MAP4: variants seen among roughly 807,000 people sequenced by gnomAD.
MAP4 encodes the protein microtubule-associated protein 4.
Under a neutral mutation model 170.2 loss-of-function variants are expected in MAP4, and 76 were observed. The observed-to-expected ratio is 0.45, with a 90% CI of 0.37 to 0.54. The LOEUF is 0.54. Ranked by LOEUF, MAP4 falls within the 20% of genes least tolerant of loss-of-function variation. The probability of loss-of-function intolerance (pLI) is 0.00; values close to 1 mark genes in which losing one functional copy is unlikely to be tolerated. For missense variants in MAP4, 2,506 were observed against 2,748.0 expected (o/e 0.91, Z 1.97); for synonymous variants, 909 against 994.5 (o/e 0.91, Z 1.62).
intron 1 of MAP4, among the ~76,000 whole-genome samples, chr3:48,087,743 GCGCACACACA>G (rs59852055): frequency 0.011 from 755 of 68,050 alleles, 7 homozygotes; most frequent in African/African-American, 0.037. Flanking sequence ...ACACACGCAC[GCGCACACACA>G]CACACACACA....
chr3:47,872,122 T>C (rs1348554938), intron 12 of MAP4, 22 bp from the exon 13 acceptor site: 2 of 1,594,434 alleles, frequency 1.3e-6, no homozygotes, highest in South Asian at 1.1e-5. Flanking sequence ...AAAGTGGGAA[T>C]GAGGCCTGCA....
At chr3:48,012,450 C>G (rs562833958) in intron 1 of MAP4, among the ~76,000 whole-genome samples, 10 of 152,230 alleles carry the variant, frequency 6.6e-5, no homozygotes, top group South Asian at 6.2e-4. Flanking sequence ...TAACAACATA[C>G]CATAAAAATC....
chr3:47,956,032 G>A (rs2100067613), intron 3 of MAP4, among the ~76,000 whole-genome samples: 1 of 152,120 alleles, frequency 6.6e-6, no homozygotes, highest in African/African-American at 2.4e-5. Flanking sequence ...TTGCTATTGG[G>A]TCTTGGCAGA....
chr3:48,014,249 C>G (rs76285342), intron 1 of MAP4, among the ~76,000 whole-genome samples: 79 of 152,228 alleles, frequency 5.2e-4, no homozygotes, highest in African/African-American at 1.8e-3. Flanking sequence ...TTCTGAAGAA[C>G]CTTTTAAGCT....
intron 1 of MAP4, among the ~76,000 whole-genome samples, chr3:48,031,420 A>G (rs2100116024): frequency 6.6e-6 from 1 of 152,128 alleles, no homozygotes; most frequent in Non-Finnish European, 1.5e-5. Flanking sequence ...GTGTGGTGGC[A>G]CATGCCTGTA....
chr3:48,041,938 C>T (rs555323173), intron 1 of MAP4, among the ~76,000 whole-genome samples: 2 of 152,090 alleles, frequency 1.3e-5, no homozygotes, highest in Non-Finnish European at 2.9e-5. Context: ...GGTAGCACAC[C>T]CGAATTCCAC....
chr3:47,929,690 C>T (rs1223895175), intron 3 of MAP4, among the ~76,000 whole-genome samples: 1 of 43,388 alleles, frequency 2.3e-5, no homozygotes, highest in Non-Finnish European at 5.0e-5. Context: ...AGAGTTAAAA[C>T]TAAAAAAACT....
chr3:48,001,530 C>G (rs1045403028), intron 1 of MAP4, among the ~76,000 whole-genome samples: 1 of 152,074 alleles, frequency 6.6e-6, no homozygotes, highest in African/African-American at 2.4e-5. Flanking sequence ...TAGAAAAGAG[C>G]TGTTTCTCTG....
chr3:47,869,408 G>A, intron 15 of MAP4, 81 bp from the exon 16 acceptor site: 1 of 948,500 alleles, frequency 1.1e-6, no homozygotes, highest in Non-Finnish European at 1.7e-6. Flanking sequence ...AGGCTGTAGG[G>A]GACTCAAATC....
chr3:47,851,903 C>T lies in MAP4; in HGVS notation c.*1031G>A, dbSNP rs1220765776. On this transcript the variant is annotated 3_prime_UTR_variant, in exon 21 of 21. Transcript: ENST00000683076. The stretch of plus-strand genomic sequence containing the variant: ...TCCTGGCCCTTTCTTGTTCTCCAGC[C>T]CTGGCTTTTTATCCTAGGGCTGACC... 6.6e-6 allele frequency: 1 copy of T among 152,240 alleles called. No homozygotes were observed. The highest frequency in any genetic ancestry group is 1.9e-4 in the East Asian group (1 of 5,202). 9.4% of individuals were successfully genotyped at this position (152,240 alleles called of 1,614,324 possible). A position where few individuals can be genotyped will look rare whatever the true frequency, so the allele number is the denominator to read the frequency against.
intron 1 of MAP4, among the ~76,000 whole-genome samples, chr3:48,046,234 TTAAC>T (rs1328755488): frequency 2.6e-5 from 4 of 152,222 alleles, no homozygotes; most frequent in African/African-American, 9.7e-5. Context: ...TCGATTTTTC[TTAAC>T]TATCACATAG....
intron 3 of MAP4, 115 bp downstream of exon 3, chr3:47,977,750 C>A: frequency 1.4e-6 from 1 of 711,562 alleles, no homozygotes; most frequent in Non-Finnish European, 2.5e-6. Context: ...AGAACACTAC[C>A]ACCCTCAGAA....
At chr3:48,063,777 T>C (rs1349726595) in intron 1 of MAP4, among the ~76,000 whole-genome samples, 1 of 152,158 alleles carries the variant, frequency 6.6e-6, no homozygotes, top group Non-Finnish European at 1.5e-5. Flanking sequence ...ATTCTAACTA[T>C]ACGACATTGT....
rs577943438 is a variant in MAP4 at position 47,958,541 on chromosome 3, G to A, written c.292+19324C>T. 2.0e-4 allele frequency among the ~76,000 whole-genome samples: 30 copies of A among 152,078 alleles called. 1 individual carries two copies. Among genetic ancestry groups the A allele is most frequent in the African/African-American group, 6.3e-4 (26 of 41,478 alleles). On this transcript the variant is annotated intron_variant, in intron 3 of 20. Transcript: ENST00000683076. ...AGTTTAGTTTTGTTTTTTTGAGACCGAGTCTCACTCTGTTGCCCAGGCTGG... is the reference window on the plus strand; with the variant it reads ...AGTTTAGTTTTGTTTTTTTGAGACCAAGTCTCACTCTGTTGCCCAGGCTGG...
intron 17 of MAP4, among the ~76,000 whole-genome samples, chr3:47,866,939 A>G (rs1002921535): frequency 5.3e-5 from 8 of 152,196 alleles, no homozygotes; most frequent in African/African-American, 1.9e-4. Context: ...GACAGGCAAC[A>G]GGTCTGCTGC....
intron 1 of MAP4, among the ~76,000 whole-genome samples, chr3:48,011,932 C>CT (rs1250571651): frequency 1.3e-5 from 2 of 152,146 alleles, no homozygotes; most frequent in Non-Finnish European, 2.9e-5. Flanking sequence ...AAACAAATGT[C>CT]TAGGCAGACA....
At chr3:47,990,560 C>T (rs946516959) in intron 2 of MAP4, among the ~76,000 whole-genome samples, 16 of 152,254 alleles carry the variant, frequency 1.1e-4, no homozygotes, top group Non-Finnish European at 2.1e-4. Context: ...AGCATTTTCT[C>T]GACTTCAGAA....
chr3:47,890,095 T>C (rs1176761993), intron 10 of MAP4, among the ~76,000 whole-genome samples: 1 of 152,202 alleles, frequency 6.6e-6, no homozygotes, highest in Non-Finnish European at 1.5e-5. Context: ...ACTATTTTTT[T>C]TTAAACAAGC....
chr3:47,949,021 GTT>G (rs1226241713), intron 3 of MAP4, among the ~76,000 whole-genome samples: 1 of 152,162 alleles, frequency 6.6e-6, no homozygotes, highest in Non-Finnish European at 1.5e-5. Flanking sequence ...TCAAACTGCA[GTT>G]TTTCTTTCAC....
Sources: allele counts gnomAD v4.1 joint callset (sites outside exome capture counted in the v4.1 genomes callset), GRCh38; gene constraint gnomAD v4.1.1; transcripts MANE v1.5; gene names NCBI Gene and HGNC (gene_info 2026-07-23, HGNC 2026-07-21).